The following ANK1 variants were observed in gnomAD, a reference collection of about 807,000 sequenced individuals.
The protein encoded by ANK1 is ankyrin-1.
Under a neutral mutation model 210.4 loss-of-function variants are expected in ANK1, and 51 were observed. That is an observed-to-expected ratio of 0.24 (90% CI 0.19 to 0.31). ANK1 has a LOEUF of 0.31. Ranked by LOEUF, ANK1 falls within the 10% of genes least tolerant of loss-of-function variation. The pLI, the probability that ANK1 is intolerant of heterozygous loss-of-function variation, is 1.00. For synonymous variants in ANK1, 967 were observed against 1,025.9 expected (o/e 0.94, Z 1.10); for missense variants, 2,051 against 2,504.4 (o/e 0.82, Z 3.86).
At chr8:41,848,745 A>G (rs1190308569) in intron 1 of ANK1, among the ~76,000 whole-genome samples, 1 of 152,246 alleles carries the variant, frequency 6.6e-6, no homozygotes, top group Non-Finnish European at 1.5e-5. Flanking sequence ...ACTGCTCTTA[A>G]GGTGATCTCA....
intron 1 of ANK1, among the ~76,000 whole-genome samples, chr8:41,882,871 G>A (rs534156431): frequency 1.2e-4 from 18 of 152,332 alleles, no homozygotes; most frequent in African/African-American, 4.3e-4. Context: ...GACCTTGAAA[G>A]CAACTTGGCG....
chr8:41,880,750 G>A (rs1817442343), intron 1 of ANK1, among the ~76,000 whole-genome samples: 2 of 152,258 alleles, frequency 1.3e-5, no homozygotes, highest in Admixed American at 6.5e-5. Flanking sequence ...TCCCAGAGAA[G>A]GCTCAGGCTT....
intron 1 of ANK1, among the ~76,000 whole-genome samples, chr8:41,842,591 T>G (rs1348213354): frequency 2.0e-5 from 3 of 152,224 alleles, no homozygotes; most frequent in African/African-American, 7.2e-5. Context: ...CCTCAGTTTC[T>G]TCATCTGTGA....
Position 41,890,708 on chromosome 8 carries a change from C to CAAA in ANK1, c.126+5644_126+5646dup, listed in dbSNP as rs557921949. ...TGGGTGACAGAGCGAGACTCCGTCTCAAAAAAAAAAAAAAAAAGAAAAAAG... is the reference window on the plus strand; with the variant it reads ...TGGGTGACAGAGCGAGACTCCGTCTCAAAAAAAAAAAAAAAAAAAAGAAAAAAG... On this transcript the variant is annotated intron_variant, in intron 1 of 42. Coordinates refer to the ANK1 transcript ENST00000265709. Among the ~76,000 whole-genome samples the CAAA allele has an allele frequency of 1.9e-3, 122 of 62,956 alleles. 2 individuals carry two copies. Among genetic ancestry groups the CAAA allele is most frequent in the South Asian group, 0.014 (28 of 2,000 alleles). 41.3% of individuals were successfully genotyped at this position (62,956 alleles called of 152,430 possible). A position where few individuals can be genotyped will look rare whatever the true frequency, so the allele number is the denominator to read the frequency against.
Position 41,758,030 on chromosome 8 carries a change from A to C in ANK1, c.129+6T>G. 1 of 1,612,898 alleles carries C rather than the reference A, an allele frequency of 6.2e-7. No homozygotes were observed. The highest frequency in any genetic ancestry group is 8.5e-7 in the Non-Finnish European group (1 of 1,178,880). ...GAGACAACAGGCCTGCCTCCATCCC[A>C]CTTACCTGGTTACAGGTGTTAATAT... is the stretch of plus-strand genomic sequence containing the variant. On this transcript the variant is annotated splice_donor_region_variant and intron_variant, in intron 2 of 42. Coordinates refer to ENST00000289734, the MANE Select transcript of ANK1 (RefSeq NM_000037.4).
intron 1 of ANK1, among the ~76,000 whole-genome samples, chr8:41,794,691 A>G (rs1048339796): frequency 6.6e-5 from 10 of 152,092 alleles, no homozygotes; most frequent in Admixed American, 2.0e-4. Flanking sequence ...AATGCTTGTT[A>G]AAGGTTTTTG....
At chr8:41,835,266 A>G (rs1355515184) in intron 1 of ANK1, among the ~76,000 whole-genome samples, 1 of 152,190 alleles carries the variant, frequency 6.6e-6, no homozygotes, top group African/African-American at 2.4e-5. Context: ...CAGCCTGACC[A>G]AAATGGTGAA....
intron 2 of ANK1, among the ~76,000 whole-genome samples, chr8:41,749,864 G>A (rs918818118): frequency 1.2e-4 from 18 of 152,054 alleles, no homozygotes; most frequent in African/African-American, 2.9e-4. Context: ...TGCCCGCCTC[G>A]GCTTCCCAAA....
rs540769407 is a variant in ANK1, at chr8:41,781,330, C to G, written c.27+16182G>C. Among the ~76,000 whole-genome samples, 11 of 152,348 alleles carry G rather than the reference C, an allele frequency of 7.2e-5. No individual in the cohort carries two copies. The South Asian group carries it at 2.3e-3, about 32-fold the overall frequency. On this transcript the variant is annotated intron_variant, in intron 1 of 42. Transcript: ENST00000289734. ...ACACACAAGCCCAACAGCCAGGACT[C>G]CCTGCTGAGCAGCCATTCCCCAACT...
rs1339484597 is a variant in ANK1, at chr8:41,723,788, T to TA, written c.712-156_712-155insT. Among the ~76,000 whole-genome samples the TA allele has an allele frequency of 3.6e-3, 546 of 151,036 alleles. 5 individuals are homozygous for TA. Among genetic ancestry groups the TA allele is most frequent in the Non-Finnish European group, 5.3e-3 (362 of 67,690 alleles). ...CTAAGATATTTTATTTTTTTTTATT[T>TA]TTTATTTTTTTTTTTTTTTGAGACG... On this transcript the variant is annotated intron_variant, in intron 7 of 42. Coordinates refer to ENST00000289734, the MANE Select transcript of ANK1 (RefSeq NM_000037.4).
chr8:41,717,394 T>C (rs1442577582), intron 12 of ANK1, among the ~76,000 whole-genome samples: 1 of 152,246 alleles, frequency 6.6e-6, no homozygotes, highest in African/African-American at 2.4e-5. Flanking sequence ...AAAATTATTG[T>C]CCAAAACAAA....
chr8:41,675,536 T>C (rs1813848415), intron 37 of ANK1, among the ~76,000 whole-genome samples: 3 of 152,220 alleles, frequency 2.0e-5, no homozygotes, highest in Non-Finnish European at 4.4e-5. Flanking sequence ...ATACAGCTAG[T>C]AAGTTTGGTC....
In ANK1 at chr8:41,704,766, C is replaced by T. The variant is rs1185493502; in HGVS notation, c.2098-294G>A. Among the ~76,000 whole-genome samples, 1 of 152,012 alleles carries T rather than the reference C, an allele frequency of 6.6e-6. No individual in the cohort carries two copies. The highest frequency in any genetic ancestry group is 1.5e-5 in the Non-Finnish European group (1 of 67,996). ...TGAGAGCTTTGGAGGTGAGTGAGGT[C>T]CCCCAGAATAAAGTGGAGGGTGAAA... On this transcript the variant is annotated intron_variant, in intron 18 of 42. Coordinates refer to ENST00000289734, the MANE Select transcript of ANK1 (RefSeq NM_000037.4). The surrounding 1 kb of genome is among the most constrained non-coding windows in gnomAD (Gnocchi z 4.1).
At chr8:41,817,092 T>A (rs1803468712) in intron 1 of ANK1, among the ~76,000 whole-genome samples, 1 of 150,888 alleles carries the variant, frequency 6.6e-6, no homozygotes, top group Non-Finnish European at 1.5e-5. Flanking sequence ...CCAAATAGTT[T>A]CTTTTTTTTT....
chr8:41,736,514 C>T (rs777890018), intron 2 of ANK1, among the ~76,000 whole-genome samples: 2 of 152,172 alleles, frequency 1.3e-5, no homozygotes, highest in Non-Finnish European at 2.9e-5. Context: ...TTGTGGCTGT[C>T]GGCATGGCTG....
intron 11 of ANK1, 151 bp from the exon 12 acceptor site, chr8:41,717,853 GA>G: frequency 1.1e-6 from 1 of 922,420 alleles, no homozygotes; most frequent in East Asian, 2.6e-5. Context: ...AATGGTTGGA[GA>G]AAAAAATTAC....
intron 1 of ANK1, among the ~76,000 whole-genome samples, chr8:41,873,955 C>G (rs1384797002): frequency 6.6e-6 from 1 of 152,212 alleles, no homozygotes; most frequent in Non-Finnish European, 1.5e-5. Context: ...CACCCTCCCC[C>G]TACACACACA....
At chr8:41,698,689 G>A (rs1212697163) in intron 23 of ANK1, among the ~76,000 whole-genome samples, 2 of 152,142 alleles carry the variant, frequency 1.3e-5, no homozygotes, top group African/African-American at 4.8e-5. Context: ...GTCCAGGCAG[G>A]CAGACCCGGA....
At chr8:41,799,093 G>A (rs546500745), upstream of ANK1, among the ~76,000 whole-genome samples, 5 of 152,340 alleles carry the variant, frequency 3.3e-5, no homozygotes, top group Admixed American at 1.3e-4. Flanking sequence ...AGAAGGAACC[G>A]CCATGTCTAC....
Sources: allele counts gnomAD v4.1 joint callset (sites outside exome capture counted in the v4.1 genomes callset), GRCh38; gene constraint gnomAD v4.1.1; non-coding constraint Gnocchi (gnomAD v3.1); transcripts MANE v1.5; gene names NCBI Gene and HGNC (gene_info 2026-07-23, HGNC 2026-07-21).